Variants in CGRRF1 observed in about 807,000 individuals in gnomAD.
CGRRF1 encodes cell growth regulator with RING finger domain protein 1.
CGRRF1 carries 32 observed loss-of-function variants against 37.2 expected under a neutral mutation model. The observed-to-expected ratio is 0.86, with a 90% CI of 0.65 to 1.16. The LOEUF (loss-of-function observed/expected upper bound fraction) is 1.16. Ranked by LOEUF, CGRRF1 falls within the 50% of genes most tolerant of loss-of-function variation. The pLI is 0.00. For missense variants in CGRRF1, 391 were observed against 382.6 expected, an observed-to-expected ratio of 1.02 and a Z score of -0.18; for synonymous variants, 141 against 140.3, an observed-to-expected ratio of 1.00 and a Z score of -0.04.
chr14:54,532,732 A>G (rs2032536574), intron 4 of CGRRF1, among the ~76,000 whole-genome samples: 1 of 151,860 alleles, frequency 6.6e-6, no homozygotes, highest in Admixed American at 6.6e-5. Flanking sequence ...ATACTAGACA[A>G]TGTTAATGAG....
At position 54,522,845 on chromosome 14, in the gene CGRRF1, A is replaced by G. The variant is rs1042015868; in HGVS notation, c.244+252A>G. On this transcript the variant is annotated intron_variant, in intron 2 of 5. Coordinates refer to ENST00000216420, the MANE Select transcript of CGRRF1 (RefSeq NM_006568.3). ...ACAAAGGAGTAGAATGAAGTATTAC[A>G]GGTGTTAATAGTGAAGTCTCTTAGG... Among the ~76,000 whole-genome samples the G allele has an allele frequency of 3.3e-5, 5 of 152,260 alleles. No individual in the cohort carries two copies. The South Asian group carries it at 1.0e-3, about 31-fold the overall frequency.
rs556452329 is a variant in CGRRF1 at position 54,538,482 on chromosome 14, A to G, written c.*99A>G. 1.9e-5 allele frequency: 15 copies of G among 770,942 alleles called. 1 individual carries two copies. The highest frequency in any genetic ancestry group is 3.0e-5 in the Admixed American group (1 of 32,978). 47.8% of individuals were successfully genotyped at this position (770,942 alleles called of 1,614,324 possible). ...ATGGAATCTACAGTACTGACCATCA[A>G]TGAAAATTATATTTTAACTTCATAT... On this transcript the variant is annotated 3_prime_UTR_variant, in exon 6 of 6. Transcript: ENST00000216420.
At chr14:54,533,698 G>T (rs1231791902) in intron 4 of CGRRF1, among the ~76,000 whole-genome samples, 2 of 151,612 alleles carry the variant, frequency 1.3e-5, no homozygotes, top group African/African-American at 4.8e-5. Context: ...AGTACAGTTA[G>T]GAACCACTTT....
chr14:54,519,166 G>A (rs899792853), intron 1 of CGRRF1, among the ~76,000 whole-genome samples: 1 of 151,618 alleles, frequency 6.6e-6, no homozygotes, highest in Non-Finnish European at 1.5e-5. Context: ...AGCTGGTCTT[G>A]AACTCCCGAC....
intron 1 of CGRRF1, among the ~76,000 whole-genome samples, chr14:54,516,850 CT>C (rs2032226622): frequency 1.3e-5 from 2 of 152,100 alleles, no homozygotes; most frequent in African/African-American, 4.8e-5. Flanking sequence ...GTTGTTCAGT[CT>C]TTTTCCTTTC....
chr14:54,536,414 T>G (rs1239813430), intron 4 of CGRRF1: 1 of 152,202 alleles, frequency 6.6e-6, no homozygotes, highest in South Asian at 2.1e-4. Flanking sequence ...TATATACATA[T>G]CTTAATATTG....
At chr14:54,535,112 C>A (rs2032578936) in intron 4 of CGRRF1, among the ~76,000 whole-genome samples, 1 of 151,904 alleles carries the variant, frequency 6.6e-6, no homozygotes, top group Non-Finnish European at 1.5e-5. Context: ...GATTCTTTAC[C>A]CCTAAATGCT....
intron 4 of CGRRF1, among the ~76,000 whole-genome samples, chr14:54,533,353 CA>C: frequency 6.6e-6 from 1 of 152,010 alleles, no homozygotes; most frequent in African/African-American, 2.4e-5. Flanking sequence ...CAAGGGTTAA[CA>C]GCCATCTTCT....
At chr14:54,537,544 T>A in intron 4 of CGRRF1, 178 bp from the exon 5 acceptor site, 2 of 560,668 alleles carry the variant, frequency 3.6e-6, no homozygotes, top group South Asian at 1.2e-4. Context: ...CTGCAGTGAT[T>A]ATGATTTAAT....
At chr14:54,532,256 G>A (rs767191233) in intron 4 of CGRRF1, among the ~76,000 whole-genome samples, 45 of 152,242 alleles carry the variant, frequency 3.0e-4, no homozygotes, top group Non-Finnish European at 6.2e-4. Context: ...TTGCAGTTAA[G>A]CACCTAGGTT....
chr14:54,532,003 A>G (rs2032523699), intron 4 of CGRRF1, among the ~76,000 whole-genome samples: 1 of 152,154 alleles, frequency 6.6e-6, no homozygotes, highest in South Asian at 2.1e-4. Context: ...TCTTCTAACA[A>G]CCTGGTTTCT....
rs775550001 is a variant in CGRRF1 at position 54,520,762 on chromosome 14, A to G, written c.105-1692A>G. 5.9e-5 allele frequency among the ~76,000 whole-genome samples: 9 copies of G among 152,312 alleles called. No homozygotes were observed. In the South Asian group the frequency reaches 1.7e-3, roughly 28 times the overall value. ...TTCCTTTTCACTGCTGAATACTTCT[A>G]TTCTTTTCTTTAAATATACCACAGT... On this transcript the variant is annotated intron_variant, in intron 1 of 5. Transcript: ENST00000216420.
intron 2 of CGRRF1, among the ~76,000 whole-genome samples, chr14:54,527,241 G>A (rs569925051): frequency 1.8e-4 from 28 of 152,186 alleles, no homozygotes; most frequent in Admixed American, 9.2e-4. Flanking sequence ...AAAAGGTAAA[G>A]GGAGAATAGT....
At chr14:54,537,860 C>G (rs529130707) in intron 5 of CGRRF1, 31 bp downstream of exon 5, 3 of 1,573,636 alleles carry the variant, frequency 1.9e-6, no homozygotes, top group East Asian at 4.6e-5. Context: ...TTATCTCTGT[C>G]TCTTTTGTTT....
At chr14:54,537,208 A>G (rs1257095704) in intron 4 of CGRRF1, 4 of 152,152 alleles carry the variant, frequency 2.6e-5, no homozygotes, top group African/African-American at 9.7e-5. Flanking sequence ...TTAATTTTAA[A>G]GGCTTTGTAG....
At chr14:54,512,456 A>C (rs971267196) in intron 1 of CGRRF1, among the ~76,000 whole-genome samples, 5 of 152,232 alleles carry the variant, frequency 3.3e-5, no homozygotes, top group Admixed American at 2.6e-4. Flanking sequence ...AACAGTTTCA[A>C]ATAATCAGGG....
intron 1 of CGRRF1, among the ~76,000 whole-genome samples, chr14:54,521,130 A>T (rs1227826781): frequency 1.3e-5 from 2 of 152,164 alleles, no homozygotes; most frequent in Non-Finnish European, 2.9e-5. Context: ...AAAGTAGAAG[A>T]TATATAAATG....
intron 2 of CGRRF1, among the ~76,000 whole-genome samples, chr14:54,524,540 C>T (rs142411270): frequency 1.3e-5 from 2 of 151,548 alleles, no homozygotes; most frequent in African/African-American, 4.8e-5. Context: ...TGTGCATGAC[C>T]GTGCCTGGCT....
intron 4 of CGRRF1, chr14:54,536,361 C>T (rs1333906260): frequency 6.6e-6 from 1 of 151,908 alleles, no homozygotes; most frequent in African/African-American, 2.4e-5. Flanking sequence ...CAGGTGGTTT[C>T]CAGTATTCTG....
Sources: allele counts gnomAD v4.1 joint callset (sites outside exome capture counted in the v4.1 genomes callset), GRCh38; gene constraint gnomAD v4.1.1; transcripts MANE v1.5; gene names NCBI Gene and HGNC (gene_info 2026-07-23, HGNC 2026-07-21).